Variants in RPS6KA2 observed in about 807,000 individuals in gnomAD.
RPS6KA2 encodes ribosomal protein S6 kinase A2, also known as ribosomal protein S6 kinase alpha-2.
RPS6KA2 carries 42 observed loss-of-function variants against 91.8 expected under a neutral mutation model. That is an observed-to-expected ratio of 0.46 (90% CI 0.36 to 0.59). The LOEUF (loss-of-function observed/expected upper bound fraction) is 0.59. Among genes scored for constraint, RPS6KA2 ranks in the 20% least tolerant of loss-of-function variants. The probability of loss-of-function intolerance (pLI) is 0.00; values close to 1 mark genes in which losing one functional copy is unlikely to be tolerated. For missense variants in RPS6KA2, 798 were observed against 978.5 expected (o/e 0.82, Z 2.46); for synonymous variants, 414 against 393.6 (o/e 1.05, Z -0.61).
At chr6:166,575,660 G>C (rs1784817247) in intron 1 of RPS6KA2, among the ~76,000 whole-genome samples, 1 of 152,074 alleles carries the variant, frequency 6.6e-6, no homozygotes, top group African/African-American at 2.4e-5. Context: ...TACCTCAGGA[G>C]AGTTAAGACC....
intron 2 of RPS6KA2, among the ~76,000 whole-genome samples, chr6:166,634,556 T>C (rs1033926969): frequency 6.6e-6 from 1 of 152,138 alleles, no homozygotes; most frequent in Non-Finnish European, 1.5e-5. Flanking sequence ...ACCACAAACA[T>C]GGAAAAACAA....
chr6:166,518,901 C>T (rs1322474934), intron 3 of RPS6KA2, among the ~76,000 whole-genome samples: 2 of 152,184 alleles, frequency 1.3e-5, no homozygotes, highest in African/African-American at 4.8e-5. Flanking sequence ...CAGGTCTGTG[C>T]AAATTCTAGC....
At chr6:166,546,750 C>A (rs559723292) in intron 1 of RPS6KA2, among the ~76,000 whole-genome samples, 3 of 152,164 alleles carry the variant, frequency 2.0e-5, no homozygotes, top group African/African-American at 7.2e-5. Flanking sequence ...AATGTGATCT[C>A]CTCATTCTTT....
intron 10 of RPS6KA2, among the ~76,000 whole-genome samples, chr6:166,474,631 GATAACAA>G (rs57095853): frequency 0.042 from 6,132 of 147,484 alleles, 437 homozygotes; most frequent in African/African-American, 0.15. Context: ...GAAGTCGGGA[GATAACAA>G]ATAACAAACA....
intron 1 of RPS6KA2, among the ~76,000 whole-genome samples, chr6:166,588,189 C>T (rs142587252): frequency 1.4e-4 from 22 of 152,198 alleles, no homozygotes; most frequent in African/African-American, 5.3e-4. Flanking sequence ...CCCTCCACTG[C>T]TCCCTGAGTG....
At chr6:166,619,467 G>A (rs950778083) in intron 1 of RPS6KA2, among the ~76,000 whole-genome samples, 26 of 152,356 alleles carry the variant, frequency 1.7e-4, no homozygotes, top group Admixed American at 4.6e-4. Context: ...AGGGCTTCTC[G>A]TAGCACCTTT....
At chr6:166,776,610 T>C (rs1430229355) in intron 2 of RPS6KA2, among the ~76,000 whole-genome samples, 1 of 152,148 alleles carries the variant, frequency 6.6e-6, no homozygotes, top group Non-Finnish European at 1.5e-5. Context: ...ATCCGTGCCG[T>C]CTCTGTGGGT....
At chr6:166,727,915 C>A (rs532855188) in intron 2 of RPS6KA2, among the ~76,000 whole-genome samples, 1 of 152,262 alleles carries the variant, frequency 6.6e-6, no homozygotes, top group East Asian at 1.9e-4. Context: ...GGTTTGCCAC[C>A]CATGAATTCA....
chr6:166,725,166 T>C (rs1790297227), intron 2 of RPS6KA2, among the ~76,000 whole-genome samples: 1 of 152,234 alleles, frequency 6.6e-6, no homozygotes, highest in Non-Finnish European at 1.5e-5. Flanking sequence ...TCCCTTGGTT[T>C]CCTGGACTGA....
chr6:166,502,515 G>A (rs961541349), intron 6 of RPS6KA2, among the ~76,000 whole-genome samples: 5 of 152,216 alleles, frequency 3.3e-5, no homozygotes, highest in Non-Finnish European at 5.9e-5. Context: ...ATGAGAACCG[G>A]CACTCCCGGC....
At chr6:166,562,604 C>T (rs1254056780) in intron 1 of RPS6KA2, among the ~76,000 whole-genome samples, 1 of 152,190 alleles carries the variant, frequency 6.6e-6, no homozygotes, top group African/African-American at 2.4e-5. Context: ...TACTAAGAGC[C>T]CGGCTGCTAC....
intron 2 of RPS6KA2, among the ~76,000 whole-genome samples, chr6:166,785,761 A>G (rs1484924140): frequency 6.6e-6 from 1 of 152,228 alleles, no homozygotes; most frequent in Non-Finnish European, 1.5e-5. Context: ...TCTTGTTTCT[A>G]TAAAGCACTC....
At chr6:166,710,365 G>A (rs1789806839) in intron 2 of RPS6KA2, among the ~76,000 whole-genome samples, 2 of 152,086 alleles carry the variant, frequency 1.3e-5, no homozygotes, top group South Asian at 4.1e-4. Flanking sequence ...CCACCATAAT[G>A]TACTTTGTTC....
At chr6:166,469,323 G>GTT (rs1173909271) in intron 11 of RPS6KA2, among the ~76,000 whole-genome samples, 34 of 101,470 alleles carry the variant, frequency 3.4e-4, no homozygotes, top group African/African-American at 1.5e-3. Context: ...ACTCGGCACT[G>GTT]TTGTTTTTTT....
intron 3 of RPS6KA2, among the ~76,000 whole-genome samples, chr6:166,529,536 GT>G (rs1783189377): frequency 6.6e-6 from 1 of 151,950 alleles, no homozygotes. Context: ...AAACCTGCAC[GT>G]TGTGCACGTG....
intron 3 of RPS6KA2, among the ~76,000 whole-genome samples, chr6:166,528,303 A>C (rs1024063612): frequency 1.3e-5 from 2 of 152,226 alleles, no homozygotes; most frequent in African/African-American, 4.8e-5. Flanking sequence ...AACCTGACAA[A>C]AACAAGAAAT....
Position 166,413,661 on chromosome 6 carries a change from G to A in RPS6KA2, c.2076+133C>T, listed in dbSNP as rs1778395708. ...TGAAGTGCACGAAGGTAGGTGGGCC[G>A]GCGGTGCAGTTTGGGGCTGCTATGG... On this transcript the variant is annotated intron_variant, in intron 20 of 20. Transcript: ENST00000265678. 4 of 848,284 alleles carry A rather than the reference G, an allele frequency of 4.7e-6. No individual in the cohort carries two copies. The East Asian group carries it at 1.1e-4, about 23-fold the overall frequency. The allele number at this position is 848,284 out of a possible 1,614,324, so 52.5% of individuals were successfully genotyped here.
intron 11 of RPS6KA2, among the ~76,000 whole-genome samples, chr6:166,468,862 A>ACCGCCTC (rs1780642776): frequency 1.3e-5 from 1 of 79,994 alleles, no homozygotes; most frequent in Non-Finnish European, 2.3e-5. Context: ...AGACTAAAAA[A>ACCGCCTC]AAAAAAAAAA....
chr6:166,715,250 G>A (rs1789977984), intron 2 of RPS6KA2, among the ~76,000 whole-genome samples: 1 of 152,230 alleles, frequency 6.6e-6, no homozygotes, highest in Non-Finnish European at 1.5e-5. Flanking sequence ...TGACTCCGCT[G>A]CAGAAGGAGC....
Sources: gnomAD v4.1 joint callset for allele counts (sites outside exome capture counted in the v4.1 genomes callset) on GRCh38, gnomAD v4.1.1 for gene constraint, MANE v1.5 for transcripts, NCBI Gene and HGNC (gene_info 2026-07-23, HGNC 2026-07-21) for gene names.